GART: variants seen among roughly 807,000 people sequenced by gnomAD.
The protein encoded by GART is trifunctional purine biosynthetic protein adenosine-3.
In GART, 43 loss-of-function variants were observed where a neutral mutation model predicts 107.2. That is an observed-to-expected ratio of 0.40 (90% CI 0.31 to 0.52). GART has a LOEUF of 0.52. GART is among the 20% of genes least tolerant of loss of function. The pLI, the probability that GART is intolerant of heterozygous loss-of-function variation, is 0.52. For missense variants in GART, 1,107 were observed against 1,206.5 expected (o/e 0.92, Z 1.22); for synonymous variants, 434 against 427.0 (o/e 1.02, Z -0.20).
chr21:33,523,634 G>A (rs192779382), intron 11 of GART, among the ~76,000 whole-genome samples: 4 of 152,206 alleles, frequency 2.6e-5, no homozygotes, highest in East Asian at 1.9e-4. Flanking sequence ...TTCATTATCC[G>A]TAAATGAACT....
intron 6 of GART, 150 bp from the exon 7 acceptor site, chr21:33,531,034 T>C: frequency 1.9e-6 from 1 of 540,406 alleles, no homozygotes. Context: ...GTCAATAACA[T>C]TAAGCTACAT....
At chr21:33,509,719 A>G in intron 18 of GART, 64 bp downstream of exon 18, 1 of 1,543,424 alleles carries the variant, frequency 6.5e-7, no homozygotes, top group East Asian at 2.3e-5. Context: ...CAATCTCACA[A>G]GAGTGCGGGG....
rs2084636171 is a variant in GART at position 33,504,016 on chromosome 21, T to C, written c.*108A>G. The C allele has an allele frequency of 1.0e-6, 1 of 1,004,650 alleles. No homozygotes were observed. Among genetic ancestry groups the C allele is most frequent in the African/African-American group, 1.6e-5 (1 of 61,582 alleles). The allele number at this position is 1,004,650 out of a possible 1,614,324, so 62.2% of individuals were successfully genotyped here. On this transcript the variant is annotated 3_prime_UTR_variant, in exon 22 of 22. Transcript: ENST00000381815. ...ATAGATGAAGTAAGGGTGAGGTCTT[T>C]TTTGTCTTTTAGCAGTTTTTCTTTT...
intron 8 of GART, 114 bp from the exon 9 acceptor site, chr21:33,528,718 A>G (rs2085123442): frequency 1.5e-5 from 15 of 1,025,898 alleles, no homozygotes; most frequent in Non-Finnish European, 2.1e-5. Context: ...GTTTTGGAAA[A>G]ATCATAAACA....
At chr21:33,530,140 C>G (rs1329966902) in intron 7 of GART, among the ~76,000 whole-genome samples, 1 of 152,172 alleles carries the variant, frequency 6.6e-6, no homozygotes, top group African/African-American at 2.4e-5. Context: ...TGTAGTGAGC[C>G]AAGATCGTGC....
chr21:33,537,828 G>C (rs998565220), intron 2 of GART, among the ~76,000 whole-genome samples: 2 of 152,162 alleles, frequency 1.3e-5, no homozygotes, highest in East Asian at 3.8e-4. Flanking sequence ...GCTTTGAAAG[G>C]CATGGTAAGG....
intron 1 of GART, among the ~76,000 whole-genome samples, chr21:33,540,150 T>C (rs982420964): frequency 6.6e-6 from 1 of 152,192 alleles, no homozygotes; most frequent in East Asian, 1.9e-4. Flanking sequence ...TCGGCCACCT[T>C]AGCAGGAAAG....
In GART at chr21:33,528,305, A is replaced by G. The variant is rs1230447130; in HGVS notation, c.928T>C (p.Tyr310His). The G allele has an allele frequency of 1.5e-5, 25 of 1,614,050 alleles. No homozygotes were observed. Among genetic ancestry groups the G allele is most frequent in the African/African-American group, 2.7e-5 (2 of 74,930 alleles). ...VILPLLKSDLYEVIQSTLDGL... is the reference protein window; with the variant it reads ...VILPLLKSDLHEVIQSTLDGL... Reference sequence around the variant, plus strand: ...TCTAAGGTGGACTGAATCACTTCATAAAGATCACTTTTAAGAAGTGGGAGG... The same window carrying G: ...TCTAAGGTGGACTGAATCACTTCATGAAGATCACTTTTAAGAAGTGGGAGG... The change falls in exon 10 of 22, where the codon TAT becomes CAT. Residue 310 changes from tyrosine to histidine, a missense_variant. Physicochemically the swap from Tyr to His is moderately conservative, Grantham distance 83 (BLOSUM62 2). Transcript: ENST00000381815.
chr21:33,528,600 A>C lies in GART; in HGVS notation c.816T>G (p.Ile272Met), dbSNP rs2085118920. Residue 272 changes from isoleucine to methionine, a missense_variant, in exon 9 of 22, where the codon ATT (isoleucine) becomes ATG (methionine). Coordinates refer to ENST00000381815, the MANE Select transcript of GART (RefSeq NM_000819.5). ...TGGTCAGCATTATTCCAGCATAGAG[A>C]ATACCTTCATTAAAAAAGAAAAAAA... ...MQQEGTPYTG[I>M]LYAGIMLTKN... 1 of 1,545,276 alleles carries C rather than the reference A, an allele frequency of 6.5e-7. No homozygotes were observed. Among genetic ancestry groups the C allele is most frequent in the Non-Finnish European group, 8.7e-7 (1 of 1,152,652 alleles).
At chr21:33,518,262 C>CCG in intron 14 of GART, among the ~76,000 whole-genome samples, 1 of 152,164 alleles carries the variant, frequency 6.6e-6, no homozygotes, top group East Asian at 1.9e-4. Flanking sequence ...GCAGGTGGAT[C>CCG]AGGTCAGGAG....
Position 33,504,519 on chromosome 21 carries a change from G to C in GART, c.2734C>G (p.Leu912Val). The C allele has an allele frequency of 3.7e-6, 6 of 1,607,136 alleles. No homozygotes were observed. Among genetic ancestry groups the C allele is most frequent in the Non-Finnish European group, 4.3e-6 (5 of 1,175,120 alleles). Residue 912 changes from leucine to valine, a missense_variant, in exon 21 of 22, where the codon CTC becomes GTC. By Grantham distance (32) the Leu-to-Val change is conservative (BLOSUM62 1). Coordinates refer to ENST00000381815, the MANE Select transcript of GART (RefSeq NM_000819.5). ...PFVQKWNGKM[L>V]NIHPSLLPSF... ...GGGAGCAAGGATGGGTGGATATTGA[G>C]CATTTTTCCTAAAAATTAAAAAAAG...
chr21:33,531,569 ATTT>A lies in GART; in HGVS notation c.529-15_529-13del, dbSNP rs540416206. On this transcript the variant is annotated splice_polypyrimidine_tract_variant and intron_variant, in intron 5 of 21. Transcript: ENST00000381815. ...CCAAAGGCTTTCTCCTGATTGTAAG[ATTT>A]TTTTTTTTTTTTTTTTTAAAAAAAG... The A allele has an allele frequency of 8.4e-4, 1,186 of 1,404,622 alleles. No homozygotes were observed. The highest frequency in any genetic ancestry group is 2.0e-3 in the East Asian group (84 of 41,334). 87.0% of individuals were successfully genotyped at this position (1,404,622 alleles called of 1,614,324 possible). A position where few individuals can be genotyped will look rare whatever the true frequency, so the allele number is the denominator to read the frequency against.
chr21:33,525,115 G>A (rs112038292), intron 10 of GART, 115 bp from the exon 11 acceptor site: 57 of 1,431,380 alleles, frequency 4.0e-5, no homozygotes, highest in Non-Finnish European at 4.5e-5. Context: ...GGCTAGGTGC[G>A]GTGGCTCATG....
Position 33,505,588 on chromosome 21 carries a change from A to G in GART, c.2698T>C (p.Ser900Pro). Residue 900 changes from serine (S) to proline (P), a missense_variant, in exon 20 of 22, where the codon TCT (serine) becomes CCT (proline). Physicochemically the swap from Ser to Pro is moderately conservative, Grantham distance 74 (BLOSUM62 -1). Transcript: ENST00000381815. ...TTCCACTTTTGGACAAAGGGGCCAG[A>G]AAGAATTCTCATGAATCCTGCAAGA... ...VCLAGFMRIL[S>P]GPFVQKWNGK... is the part of the protein sequence containing the mutation. 1 of 1,599,476 alleles carries G rather than the reference A, an allele frequency of 6.3e-7. No homozygotes were observed. Among genetic ancestry groups the G allele is most frequent in the South Asian group, 1.1e-5 (1 of 87,496 alleles).
intron 16 of GART, among the ~76,000 whole-genome samples, chr21:33,514,399 T>C (rs951052790): frequency 1.3e-5 from 2 of 152,224 alleles, no homozygotes; most frequent in African/African-American, 4.8e-5. Flanking sequence ...CAGACATTTG[T>C]GTAACTCAAA....
chr21:33,509,914 G>A lies in GART; in HGVS notation c.2321C>T (p.Pro774Leu), dbSNP rs768697718. ...GSVVARAEGS[P>L]RVKVKNLIES... ...AATCAGATTCTTGACTTTCACACGTGGGGAACCTTCATTTCAAACATATCC... is the reference window on the plus strand; with the variant it reads ...AATCAGATTCTTGACTTTCACACGTAGGGAACCTTCATTTCAAACATATCC... Residue 774 changes from proline to leucine, a missense_variant, in exon 18 of 22, where the codon CCA (proline) becomes CTA (leucine). Coordinates refer to ENST00000381815, the MANE Select transcript of GART (RefSeq NM_000819.5). 5.6e-6 allele frequency: 9 copies of A among 1,609,420 alleles called. No homozygotes were observed. The South Asian group carries it at 1.0e-4, about 18-fold the overall frequency.
chr21:33,530,701 A>T, intron 7 of GART, 58 bp downstream of exon 7: 2 of 1,337,766 alleles, frequency 1.5e-6, no homozygotes, highest in Non-Finnish European at 1.9e-6. Context: ...GTATCATCTA[A>T]GAGTTCTCTG....
intron 1 of GART, among the ~76,000 whole-genome samples, chr21:33,540,132 T>C (rs2085383408): frequency 6.6e-6 from 1 of 152,202 alleles, no homozygotes; most frequent in Non-Finnish European, 1.5e-5. Context: ...CTGTCAAAAC[T>C]ACTCGACTCG....
In GART at chr21:33,530,854, C is replaced by A; in HGVS notation, c.628G>T (p.Ala210Ser). 6.5e-7 allele frequency: 1 copy of A among 1,527,798 alleles called. No individual in the cohort carries two copies. The highest frequency in any genetic ancestry group is 8.7e-7 in the Non-Finnish European group (1 of 1,148,732). 94.6% of individuals were successfully genotyped at this position (1,527,798 alleles called of 1,614,324 possible). ...CLCFTDGKTV[A>S]PMPPAQDHKR... The stretch of plus-strand genomic sequence containing the variant: ...TGGTCCTGTGCTGGGGGCATGGGGG[C>A]CACAGTCTTGCCATCAGTGAAACAC... The change falls in exon 7 of 22, where the codon GCC becomes TCC. Residue 210 changes from alanine to serine, a missense_variant. Transcript: ENST00000381815.
Sources: allele counts gnomAD v4.1 joint callset (sites outside exome capture counted in the v4.1 genomes callset), GRCh38; gene constraint gnomAD v4.1.1; transcripts MANE v1.5; gene names NCBI Gene and HGNC (gene_info 2026-07-23, HGNC 2026-07-21).